The following FAU variants were observed in gnomAD, a reference collection of about 807,000 sequenced individuals.
The protein encoded by FAU is FAU ubiquitin like and ribosomal protein S30 fusion, also known as ubiquitin-like FUBI-ribosomal protein eS30 fusion protein.
For synonymous variants in FAU, 70 were observed against 69.9 expected, an observed-to-expected ratio of 1.00 and a Z score of -0.01; for missense variants, 125 against 173.9, an observed-to-expected ratio of 0.72 and a Z score of 1.58.
chr11:65,121,064 G>A (rs770436011), intron 3 of FAU, 28 bp from the exon 4 acceptor site: 12 of 1,613,400 alleles, frequency 7.4e-6, no homozygotes, highest in Non-Finnish European at 1.0e-5. Flanking sequence ...GGCACCAGCA[G>A]GTAAGAGCAA....
At chr11:65,120,938 GAAA>G in intron 4 of FAU, 40 bp downstream of exon 4, 1 of 1,610,454 alleles carries the variant, frequency 6.2e-7, no homozygotes, top group Non-Finnish European at 8.5e-7. Flanking sequence ...GCTGTGAAAG[GAAA>G]AAAAGTCCTA....
rs1293178394 is a variant in FAU at position 65,121,749 on chromosome 11, G to A, written c.65C>T (p.Ala22Val). The A allele has an allele frequency of 3.7e-6, 6 of 1,614,006 alleles. No individual in the cohort carries two copies. Among genetic ancestry groups the A allele is most frequent in the Non-Finnish European group, 5.1e-6 (6 of 1,180,042 alleles). ...TFEVTGQETV[A>V]QIKAHVASLE... is the part of the protein sequence containing the mutation. ...ACCAAGCAGCCTTACCTTGATCTGG[G>A]CGACCGTTTCCTGGCCGGTCACCTC... is the stretch of plus-strand genomic sequence containing the variant. The change falls in exon 2 of 5, where the codon GCC (alanine) becomes GTC (valine). Residue 22 changes from alanine (A) to valine (V), a missense_variant. Physicochemically the swap from Ala to Val is moderately conservative, Grantham distance 64. Coordinates refer to ENST00000529639, the MANE Select transcript of FAU (RefSeq NM_001997.5).
rs1948045556 is a variant in FAU at position 65,121,391 on chromosome 11, G to A, written c.220+109C>T. On this transcript the variant is annotated intron_variant, in intron 3 of 4. Transcript: ENST00000529639. ...GAAGAATCACTCTGAACTGAAGACAGTGAGAAGTACTCTATTACCATAGGT... is the reference window on the plus strand; with the variant it reads ...GAAGAATCACTCTGAACTGAAGACAATGAGAAGTACTCTATTACCATAGGT... 4 of 1,397,258 alleles carry A rather than the reference G, an allele frequency of 2.9e-6. No individual in the cohort carries two copies. In the Admixed American group the frequency reaches 6.6e-5, roughly 23 times the overall value. 86.6% of individuals were successfully genotyped at this position (1,397,258 alleles called of 1,614,324 possible). A position where few individuals can be genotyped will look rare whatever the true frequency, so the allele number is the denominator to read the frequency against.
rs949971559 is a variant in FAU, at chr11:65,121,941, G to A, written c.-8-120C>T. Reference sequence around the variant, plus strand: ...CGGGATGGTGGTCGCGGCGGCTCACGTGGGGAAGGCCAGGCCTCCCAAGGA... The same window carrying A: ...CGGGATGGTGGTCGCGGCGGCTCACATGGGGAAGGCCAGGCCTCCCAAGGA... On this transcript the variant is annotated intron_variant, in intron 1 of 4. Coordinates refer to ENST00000529639, the MANE Select transcript of FAU (RefSeq NM_001997.5). The A allele has an allele frequency of 7.3e-5, 76 of 1,044,330 alleles. No individual in the cohort carries two copies. The African/African-American group carries it at 1.2e-3, about 16-fold the overall frequency. The allele number at this position is 1,044,330 out of a possible 1,614,324, so 64.7% of individuals were successfully genotyped here. A position where few individuals can be genotyped will look rare whatever the true frequency, so the allele number is the denominator to read the frequency against.
In FAU at chr11:65,120,963, A is replaced by C; in HGVS notation, c.276+18T>G. 6.2e-7 allele frequency: 1 copy of C among 1,614,024 alleles called. No homozygotes were observed. Among genetic ancestry groups the C allele is most frequent in the Non-Finnish European group, 8.5e-7 (1 of 1,179,956 alleles). ...GAAAAAAAGTCCTAACACCATGACC[A>C]CTAATACTCTCACTCACCTTAGGAG... On this transcript the variant is annotated intron_variant, in intron 4 of 4. Transcript: ENST00000529639.
At position 65,120,741 on chromosome 11, in the gene FAU, C is replaced by T. The variant is rs1590820558; in HGVS notation, c.342G>A (p.Arg114=). The T allele has an allele frequency of 6.2e-7, 1 of 1,614,180 alleles. No homozygotes were observed. Among genetic ancestry groups the T allele is most frequent in the Non-Finnish European group, 8.5e-7 (1 of 1,180,036 alleles). The change falls in exon 5 of 5, where the codon CGG becomes CGA. Residue 114 remains arginine (R), a synonymous_variant. Transcript: ENST00000529639. ...GRAKRRMQYN[R]RFVNVVPTFG... Reference sequence around the variant, plus strand: ...AGGTGGGCACAACGTTGACAAAGCGCCGGTTGTACTGCATCCGCCGCTTAG... The same window carrying T: ...AGGTGGGCACAACGTTGACAAAGCGTCGGTTGTACTGCATCCGCCGCTTAG...
At position 65,121,051 on chromosome 11, in the gene FAU, G is replaced by C; in HGVS notation, c.221-15C>G. The C allele has an allele frequency of 6.2e-7, 1 of 1,614,048 alleles. No homozygotes were observed. Among genetic ancestry groups the C allele is most frequent in the African/African-American group, 1.3e-5 (1 of 75,034 alleles). The stretch of plus-strand genomic sequence containing the variant: ...ATGGACTTTACCTGTAGTGGGAAAG[G>C]AAGGCACCAGCAGGTAAGAGCAAGA... On this transcript the variant is annotated splice_polypyrimidine_tract_variant and intron_variant, in intron 3 of 4. Coordinates refer to ENST00000529639, the MANE Select transcript of FAU (RefSeq NM_001997.5).
chr11:65,122,010 C>T (rs1357489827), intron 1 of FAU, 80 bp downstream of exon 1: 5 of 631,164 alleles, frequency 7.9e-6, no homozygotes, highest in South Asian at 3.9e-5. Context: ...AGGCCCCGTT[C>T]TTCGGTTCCC....
Position 65,120,659 on chromosome 11 carries a change from G to A in FAU, c.*22C>T. 2 of 1,612,056 alleles carry A rather than the reference G, an allele frequency of 1.2e-6. No homozygotes were observed. Among genetic ancestry groups the A allele is most frequent in the Non-Finnish European group, 1.7e-6 (2 of 1,179,386 alleles). ...TGAACTAAGTGGCTTTTTTATTAGAGAAAGCCAGAATTACAAAAGACTTAA... is the reference window on the plus strand; with the variant it reads ...TGAACTAAGTGGCTTTTTTATTAGAAAAAGCCAGAATTACAAAAGACTTAA... On this transcript the variant is annotated 3_prime_UTR_variant, in exon 5 of 5. Transcript: ENST00000529639.
intron 3 of FAU, 34 bp from the exon 4 acceptor site, chr11:65,121,070 A>G: frequency 1.2e-6 from 2 of 1,611,824 alleles, no homozygotes; most frequent in Non-Finnish European, 1.7e-6. Flanking sequence ...AGCAGGTAAG[A>G]GCAAGAAGGT....
Position 65,122,100 on chromosome 11 carries a change from G to T in FAU, c.-19C>A, listed in dbSNP as rs780830298. ...AGGCCCCATTCTTACCTGAACGGCG[G>T]TCCCAGCTACCGCGAAGATGGAGTC... On this transcript the variant is annotated 5_prime_UTR_variant, in exon 1 of 5. Transcript: ENST00000529639. The T allele has an allele frequency of 8.7e-5, 52 of 599,176 alleles. No individual in the cohort carries two copies. Among genetic ancestry groups the T allele is most frequent in the Non-Finnish European group, 1.4e-4 (46 of 337,962 alleles). 37.1% of individuals were successfully genotyped at this position (599,176 alleles called of 1,614,324 possible).
In FAU at chr11:65,121,791, T is replaced by C. The variant is rs1242141879; in HGVS notation, c.23A>G (p.Gln8Arg). MQLFVRA[Q>R]ELHTFEVTGQ... ...GGTCACCTCGAAGGTGTGTAGCTCC[T>C]GGGCGCGGACAAAGAGCTGCATATT... Residue 8 changes from glutamine to arginine, a missense_variant, in exon 2 of 5, where the codon CAG becomes CGG. Coordinates refer to ENST00000529639, the MANE Select transcript of FAU (RefSeq NM_001997.5). The C allele has an allele frequency of 2.5e-6, 4 of 1,614,020 alleles. No individual in the cohort carries two copies. The highest frequency in any genetic ancestry group is 3.4e-6 in the Non-Finnish European group (4 of 1,180,008).
chr11:65,121,944 G>A, intron 1 of FAU, 123 bp from the exon 2 acceptor site: 1 of 979,896 alleles, frequency 1.0e-6, no homozygotes, highest in Non-Finnish European at 1.5e-6. Context: ...GGCTCACGTG[G>A]GGAAGGCCAG....
chr11:65,121,715 C>A, intron 2 of FAU, 24 bp downstream of exon 2: 1 of 1,613,984 alleles, frequency 6.2e-7, no homozygotes, highest in Non-Finnish European at 8.5e-7. Flanking sequence ...AAAATGGAAC[C>A]CAGGGCGCAC....
In FAU at chr11:65,121,257, G is replaced by A. The variant is rs1293899102; in HGVS notation, c.221-221C>T. On this transcript the variant is annotated intron_variant, in intron 3 of 4. Coordinates refer to ENST00000529639, the MANE Select transcript of FAU (RefSeq NM_001997.5). ...GGGGCCCTGGTCTGACCTAATTTTA[G>A]TGTGGAAGCTGATAACCAGACTAGG... 5.6e-6 allele frequency: 4 copies of A among 718,892 alleles called. No individual in the cohort carries two copies. In the African/African-American group the frequency reaches 7.1e-5, roughly 13 times the overall value. The allele number at this position is 718,892 out of a possible 1,614,324, so 44.5% of individuals were successfully genotyped here. A position where few individuals can be genotyped will look rare whatever the true frequency, so the allele number is the denominator to read the frequency against.
intron 3 of FAU, chr11:65,121,259 G>T (rs1238962508): frequency 1.4e-6 from 1 of 721,446 alleles, no homozygotes; most frequent in Non-Finnish European, 2.2e-6. Flanking sequence ...TAATTTTAGT[G>T]TGGAAGCTGA....
chr11:65,121,483 A>C lies in FAU; in HGVS notation c.220+17T>G. 1 of 1,610,298 alleles carries C rather than the reference A, an allele frequency of 6.2e-7. No individual in the cohort carries two copies. The highest frequency in any genetic ancestry group is 8.5e-7 in the Non-Finnish European group (1 of 1,178,120). ...GACGCTTACCGGTACTTCAAAGAAC[A>C]TTCCTCTCTCACTCACCTCCAAGCA... is the stretch of plus-strand genomic sequence containing the variant. On this transcript the variant is annotated intron_variant, in intron 3 of 4. Transcript: ENST00000529639.
Position 65,121,132 on chromosome 11 carries a change from G to A in FAU, c.221-96C>T. On this transcript the variant is annotated intron_variant, in intron 3 of 4. Transcript: ENST00000529639. ...CAATTCAAGCCTTTAAAGAGAAGCTGCGCCCAATAGGTAATGAGAACAAAG... is the reference window on the plus strand; with the variant it reads ...CAATTCAAGCCTTTAAAGAGAAGCTACGCCCAATAGGTAATGAGAACAAAG... The A allele has an allele frequency of 2.4e-6, 3 of 1,245,978 alleles. No homozygotes were observed. The South Asian group carries it at 3.8e-5, about 16-fold the overall frequency. The allele number at this position is 1,245,978 out of a possible 1,614,324, so 77.2% of individuals were successfully genotyped here.
In FAU at chr11:65,121,629, G is replaced by C. The variant is rs772523714; in HGVS notation, c.91C>G (p.Leu31Val). The change falls in exon 3 of 5, where the codon CTG (leucine) becomes GTG (valine). Residue 31 changes from leucine (L) to valine (V), a missense_variant. By Grantham distance (32) the Leu-to-Val change is conservative (BLOSUM62 1). Transcript: ENST00000529639. ...TGATCTTCCGGGGCAATGCCCTCCA[G>C]TGAGGCTACATGAGCCTACAGGGAA... Reference protein sequence around the residue: ...VAQIKAHVASLEGIAPEDQVV... With the variant: ...VAQIKAHVASVEGIAPEDQVV... 2 of 1,613,996 alleles carry C rather than the reference G, an allele frequency of 1.2e-6. No individual in the cohort carries two copies. Among genetic ancestry groups the C allele is most frequent in the East Asian group, 4.5e-5 (2 of 44,888 alleles).
Sources: gnomAD v4.1 joint callset for allele counts on GRCh38, gnomAD v4.1.1 for gene constraint, MANE v1.5 for transcripts, NCBI Gene and HGNC (gene_info 2026-07-23, HGNC 2026-07-21) for gene names.